Variants in BUD13 observed in about 807,000 individuals in gnomAD.
The protein encoded by BUD13 is BUD13 homolog.
In BUD13, 47 loss-of-function variants were observed where a neutral mutation model predicts 62.5. The observed-to-expected ratio is 0.75, with a 90% CI of 0.60 to 0.96. The LOEUF (loss-of-function observed/expected upper bound fraction) is 0.96, where lower values mean the gene tolerates loss of function less well. BUD13 is among the 40% of genes least tolerant of loss of function. The probability of loss-of-function intolerance (pLI) is 0.00; values close to 1 mark genes in which losing one functional copy is unlikely to be tolerated. For synonymous variants in BUD13, 293 were observed against 280.1 expected (o/e 1.05, Z -0.46); for missense variants, 821 against 790.9 (o/e 1.04, Z -0.46).
chr11:116,755,232 G>T lies in BUD13; in HGVS notation c.1766+1914C>A, dbSNP rs548867931. 2.9e-3 allele frequency among the ~76,000 whole-genome samples: 447 copies of T among 152,330 alleles called. 7 individuals carry two copies. Among genetic ancestry groups the T allele is most frequent in the East Asian group, 7.7e-4 (4 of 5,194 alleles). On this transcript the variant is annotated intron_variant, in intron 9 of 9. Coordinates refer to ENST00000260210, the MANE Select transcript of BUD13 (RefSeq NM_032725.4). Reference sequence around the variant, plus strand: ...CCAGTGATAACATTTAAACTTTCAAGTGTAAATTAGAATTCTGAAAAACTG... The same window carrying T: ...CCAGTGATAACATTTAAACTTTCAATTGTAAATTAGAATTCTGAAAAACTG...
chr11:116,748,718 C>A, intron 9 of BUD13, 143 bp from the exon 10 acceptor site: 1 of 840,986 alleles, frequency 1.2e-6, no homozygotes, highest in Non-Finnish European at 1.8e-6. Flanking sequence ...CCGGGCACGG[C>A]GGCTCACGCC....
At chr11:116,757,582 G>A (rs1385269329) in intron 8 of BUD13, among the ~76,000 whole-genome samples, 184 bp downstream of exon 8, 1 of 151,926 alleles carries the variant, frequency 6.6e-6, no homozygotes, top group Non-Finnish European at 1.5e-5. Flanking sequence ...TTACAAACAT[G>A]AGCCACTGCG....
At chr11:116,767,711 C>A (rs1940556724) in intron 2 of BUD13, among the ~76,000 whole-genome samples, 1 of 151,240 alleles carries the variant, frequency 6.6e-6, no homozygotes, top group Admixed American at 6.6e-5. Context: ...ATGTGGCTAA[C>A]ACCTGTAATC....
At position 116,763,204 on chromosome 11, in the gene BUD13, T is replaced by C. The variant is rs368631474; in HGVS notation, c.385A>G (p.Arg129Gly). 2 of 1,579,414 alleles carry C rather than the reference T, an allele frequency of 1.3e-6. No homozygotes were observed. The highest frequency in any genetic ancestry group is 2.7e-5 in the African/African-American group (2 of 73,876). Residue 129 changes from arginine (R) to glycine (G), a missense_variant, in exon 4 of 10, where the codon AGG (arginine) becomes GGG (glycine). Arg to Gly is a moderately radical substitution (Grantham distance 125). Around this residue, in one of 2 missense-constraint regions of BUD13, gnomAD observed 800 missense variants for 739.2 expected, o/e 1.08. Coordinates refer to ENST00000260210, the MANE Select transcript of BUD13 (RefSeq NM_032725.4). ...FRHDTPDSSP[R>G]RVRHGTPDPS... is the part of the protein sequence containing the mutation. ...TCTGGGGTACCATGACGGACCCTCC[T>C]AGGAGATGAATCCGGGGTATCGTGA...
intron 1 of BUD13, among the ~76,000 whole-genome samples, chr11:116,770,786 G>A (rs1940613802): frequency 6.7e-6 from 1 of 149,638 alleles, no homozygotes; most frequent in Non-Finnish European, 1.5e-5. Context: ...GAGCCACCGC[G>A]CCCGGCCCTA....
chr11:116,761,025 C>T, intron 4 of BUD13, 73 bp from the exon 5 acceptor site: 2 of 1,221,798 alleles, frequency 1.6e-6, no homozygotes, highest in South Asian at 1.4e-5. Flanking sequence ...TCTCCTATGG[C>T]TGGGAGAAGA....
Position 116,748,572 on chromosome 11 carries a change from G to A in BUD13, c.1770C>T (p.Ser590=), listed in dbSNP as rs1423381123. 6.2e-7 allele frequency: 1 copy of A among 1,614,160 alleles called. No homozygotes were observed. Among genetic ancestry groups the A allele is most frequent in the Admixed American group, 1.7e-5 (1 of 60,020 alleles). The part of the protein sequence containing the change: ...PGYRWDGVDR[S]NGFEQKRFAR... ...CAAAGCGCTTCTGTTCAAATCCATT[G>A]GATCTGCAATCAAAAGAGACATACT... The change falls in exon 10 of 10, where the codon TCC becomes TCT. Residue 590 remains serine, a synonymous_variant. Coordinates refer to ENST00000260210, the MANE Select transcript of BUD13 (RefSeq NM_032725.4).
intron 9 of BUD13, among the ~76,000 whole-genome samples, chr11:116,749,431 G>A (rs1940195821): frequency 6.6e-6 from 1 of 152,172 alleles, no homozygotes; most frequent in Non-Finnish European, 1.5e-5. Flanking sequence ...ATAAAAAGGT[G>A]ACATGAGGGT....
chr11:116,764,634 A>G lies in BUD13; in HGVS notation c.322+728T>C, dbSNP rs1254785570. Among the ~76,000 whole-genome samples, 3 of 152,194 alleles carry G rather than the reference A, an allele frequency of 2.0e-5. No individual in the cohort carries two copies. In the East Asian group the frequency reaches 5.8e-4, roughly 29 times the overall value. On this transcript the variant is annotated intron_variant, in intron 3 of 9. Coordinates refer to ENST00000260210, the MANE Select transcript of BUD13 (RefSeq NM_032725.4). ...ATGGAGACCAAAAGATTCTCTTTGG[A>G]AAAGAATTCTGATTAGGCTACAAAA...
chr11:116,767,474 T>A, intron 2 of BUD13, among the ~76,000 whole-genome samples: 1 of 148,940 alleles, frequency 6.7e-6, no homozygotes, highest in African/African-American at 2.5e-5. Flanking sequence ...GTGCCTGTAG[T>A]CCCAGCTACT....
intron 6 of BUD13, among the ~76,000 whole-genome samples, chr11:116,758,622 C>T: frequency 7.7e-6 from 1 of 130,668 alleles, no homozygotes. Context: ...GAGTCTCACT[C>T]TGTTGCCCAG....
chr11:116,759,235 C>T, intron 5 of BUD13, 56 bp from the exon 6 acceptor site: 2 of 1,217,596 alleles, frequency 1.6e-6, no homozygotes, highest in South Asian at 2.4e-5. Flanking sequence ...ACAGTAGGCT[C>T]CATGGGTACA....
chr11:116,752,958 C>T (rs57200947), intron 9 of BUD13, among the ~76,000 whole-genome samples: 15,327 of 152,138 alleles, frequency 0.1, 981 homozygotes, highest in African/African-American at 0.17. Context: ...CCCCGAGGGA[C>T]AGAAGACAAC....
intron 9 of BUD13, among the ~76,000 whole-genome samples, chr11:116,754,560 C>G (rs1463251837): frequency 6.6e-6 from 1 of 152,026 alleles, no homozygotes; most frequent in African/African-American, 2.4e-5. Context: ...AAACTCTCAG[C>G]AAAACAGGAA....
At chr11:116,766,281 A>C (rs79584991) in intron 2 of BUD13, among the ~76,000 whole-genome samples, 7,004 of 152,300 alleles carry the variant, frequency 0.046, 492 homozygotes, top group African/African-American at 0.16. Context: ...CATATAATCT[A>C]ACTCGATTCT....
In BUD13 at chr11:116,770,159, C is replaced by T; in HGVS notation, c.207G>A (p.Glu69=). The T allele has an allele frequency of 6.2e-7, 1 of 1,613,576 alleles. No homozygotes were observed. The highest frequency in any genetic ancestry group is 1.3e-5 in the African/African-American group (1 of 74,958). The stretch of plus-strand genomic sequence containing the variant: ...GCAAATCTCCATCATCTTCCTCTTC[C>T]TCCTTTTCTAGTTTGGTTGTGGAGA... ...TAISTTKLEK[E]EEEDDGDLPV... The change falls in exon 2 of 10, where the codon GAG becomes GAA. Residue 69 remains glutamate, a synonymous_variant. Transcript: ENST00000260210.
chr11:116,752,235 C>T (rs897961301), intron 9 of BUD13, among the ~76,000 whole-genome samples: 5 of 152,236 alleles, frequency 3.3e-5, no homozygotes, highest in Admixed American at 6.5e-5. Flanking sequence ...CATGAGCCAC[C>T]GCACCCGGCC....
chr11:116,771,270 T>C (rs1377165828), intron 1 of BUD13, among the ~76,000 whole-genome samples: 1 of 152,246 alleles, frequency 6.6e-6, no homozygotes, highest in Non-Finnish European at 1.5e-5. Flanking sequence ...GTTGTGTAAT[T>C]AGTTGCTTAA....
intron 5 of BUD13, 132 bp downstream of exon 5, chr11:116,760,603 G>T: frequency 2.0e-6 from 2 of 1,006,656 alleles, no homozygotes; most frequent in East Asian, 4.9e-5. Flanking sequence ...ACCTCCAAAG[G>T]TCCTTTTAAC....
Sources: allele counts gnomAD v4.1 joint callset (sites outside exome capture counted in the v4.1 genomes callset), GRCh38; gene constraint gnomAD v4.1.1; regional missense constraint gnomAD v4.1.1; transcripts MANE v1.5; gene names NCBI Gene and HGNC (gene_info 2026-07-23, HGNC 2026-07-21).